DGKG: variants seen among roughly 807,000 people sequenced by gnomAD.
DGKG encodes DAG kinase gamma.
In DGKG, 78 loss-of-function variants were observed where a neutral mutation model predicts 105.3. The ratio of observed to expected loss-of-function variants is 0.74; its 90% confidence interval spans 0.62 to 0.89. The LOEUF is 0.89. Among genes scored for constraint, DGKG ranks in the 40% least tolerant of loss-of-function variants. The probability of loss-of-function intolerance (pLI) is 0.00; values close to 1 mark genes in which losing one functional copy is unlikely to be tolerated. For synonymous variants in DGKG, 346 were observed against 367.1 expected (o/e 0.94, Z 0.66); for missense variants, 958 against 1,020.1 (o/e 0.94, Z 0.83).
At chr3:186,283,347 A>G (rs996256444) in intron 7 of DGKG, among the ~76,000 whole-genome samples, 1 of 151,860 alleles carries the variant, frequency 6.6e-6, no homozygotes, top group African/African-American at 2.4e-5. Flanking sequence ...CTCCATTCAC[A>G]CTGGCCCGGA....
At chr3:186,225,694 A>T (rs972543206) in intron 20 of DGKG, among the ~76,000 whole-genome samples, 3 of 151,870 alleles carry the variant, frequency 2.0e-5, no homozygotes, top group Non-Finnish European at 4.4e-5. Flanking sequence ...ACCACTCCCT[A>T]AAGCCTCACA....
chr3:186,316,911 A>G (rs1355423965), intron 2 of DGKG, among the ~76,000 whole-genome samples: 1 of 152,250 alleles, frequency 6.6e-6, no homozygotes, highest in Non-Finnish European at 1.5e-5. Flanking sequence ...ATTGGTGGGA[A>G]TGACTTTTTC....
chr3:186,150,343 G>A (rs962349116), intron 24 of DGKG, among the ~76,000 whole-genome samples, 155 bp from the exon 25 acceptor site: 2 of 152,154 alleles, frequency 1.3e-5, no homozygotes, highest in South Asian at 4.1e-4. Context: ...TTGGCAACTT[G>A]ACCCTGACTG....
intron 22 of DGKG, among the ~76,000 whole-genome samples, chr3:186,178,659 G>T (rs741484): frequency 0.06 from 9,081 of 152,206 alleles, 738 homozygotes; most frequent in African/African-American, 0.19. Flanking sequence ...CTTGCAGAAG[G>T]GAGTGGGAGA....
intron 22 of DGKG, among the ~76,000 whole-genome samples, chr3:186,172,731 G>C (rs1318689581): frequency 1.3e-5 from 2 of 152,200 alleles, no homozygotes; most frequent in African/African-American, 4.8e-5. Flanking sequence ...TAGTCACAGA[G>C]GTAAAGAAAA....
At chr3:186,313,367 G>C in intron 2 of DGKG, 1 of 311,910 alleles carries the variant, frequency 3.2e-6, no homozygotes, top group Non-Finnish European at 4.7e-6. Flanking sequence ...GGGGTCAATA[G>C]CAATAAAACG....
chr3:186,221,733 G>A (rs569483552), intron 20 of DGKG, among the ~76,000 whole-genome samples: 20 of 152,332 alleles, frequency 1.3e-4, no homozygotes, highest in African/African-American at 4.3e-4. Flanking sequence ...GAAGGTGGCT[G>A]TCCTGCTGGA....
At chr3:186,347,430 CAG>C (rs1726397886) in intron 1 of DGKG, among the ~76,000 whole-genome samples, 1 of 111,002 alleles carries the variant, frequency 9.0e-6, no homozygotes, top group African/African-American at 3.7e-5. Flanking sequence ...GCCTGGGCGA[CAG>C]AGTGAGACTC....
intron 2 of DGKG, among the ~76,000 whole-genome samples, chr3:186,317,133 G>T (rs1309498495): frequency 6.6e-6 from 1 of 152,118 alleles, no homozygotes; most frequent in African/African-American, 2.4e-5. Flanking sequence ...TCATCCCTCC[G>T]CCTGCTCAGC....
In DGKG at chr3:186,265,312, A is replaced by G; in HGVS notation, c.1210-6T>C. 1 of 1,614,172 alleles carries G rather than the reference A, an allele frequency of 6.2e-7. No individual in the cohort carries two copies. Among genetic ancestry groups the G allele is most frequent in the Non-Finnish European group, 8.5e-7 (1 of 1,179,960 alleles). Reference sequence around the variant, plus strand: ...GACTTCTCACCTGGCCTGTCCTGTGACAAGAAAGGAAAGACAAGCATCTTT... The same window carrying G: ...GACTTCTCACCTGGCCTGTCCTGTGGCAAGAAAGGAAAGACAAGCATCTTT... On this transcript the variant is annotated splice_region_variant and splice_polypyrimidine_tract_variant and intron_variant, in intron 13 of 24. Coordinates refer to ENST00000265022, the MANE Select transcript of DGKG (RefSeq NM_001346.3).
chr3:186,152,825 G>A (rs767313761), intron 24 of DGKG, among the ~76,000 whole-genome samples: 4 of 151,974 alleles, frequency 2.6e-5, no homozygotes, highest in Non-Finnish European at 5.9e-5. Flanking sequence ...CACCATGCCT[G>A]GCTAATTTTT....
At chr3:186,189,639 C>T (rs1383139364) in intron 21 of DGKG, among the ~76,000 whole-genome samples, 1 of 152,154 alleles carries the variant, frequency 6.6e-6, no homozygotes, top group Non-Finnish European at 1.5e-5. Flanking sequence ...CCCAAACTTC[C>T]AGAGACTTAT....
At chr3:186,314,508 A>T (rs908037189) in intron 2 of DGKG, among the ~76,000 whole-genome samples, 1 of 152,128 alleles carries the variant, frequency 6.6e-6, no homozygotes, top group Admixed American at 6.5e-5. Context: ...TAGTCCCAGC[A>T]CTTTGGGAGG....
At chr3:186,308,359 C>G (rs573890695) in intron 2 of DGKG, among the ~76,000 whole-genome samples, 227 of 152,230 alleles carry the variant, frequency 1.5e-3, no homozygotes, top group African/African-American at 5.3e-3. Flanking sequence ...TTTCTCTGAC[C>G]TTGGCTATCC....
intron 24 of DGKG, chr3:186,160,660 C>T: frequency 2.0e-6 from 2 of 985,426 alleles, no homozygotes; most frequent in Non-Finnish European, 2.4e-6. Flanking sequence ...TATCTGAATA[C>T]TCCACTAGAG....
At chr3:186,201,786 A>C (rs1477781522) in intron 21 of DGKG, among the ~76,000 whole-genome samples, 1 of 152,232 alleles carries the variant, frequency 6.6e-6, no homozygotes, top group Non-Finnish European at 1.5e-5. Flanking sequence ...ATAATCAACA[A>C]ACAACTATTG....
chr3:186,224,759 T>C (rs956454190), intron 20 of DGKG, among the ~76,000 whole-genome samples: 2 of 144,416 alleles, frequency 1.4e-5, no homozygotes, highest in Admixed American at 1.4e-4. Context: ...TGTGAATTTC[T>C]TTTTAACATC....
At chr3:186,316,501 C>A (rs1035917553) in intron 2 of DGKG, among the ~76,000 whole-genome samples, 1 of 152,134 alleles carries the variant, frequency 6.6e-6, no homozygotes, top group African/African-American at 2.4e-5. Flanking sequence ...CTTTAAATTT[C>A]ATCGTTTTAT....
At chr3:186,280,555 TAAG>T (rs1352200291) in intron 8 of DGKG, 112 bp downstream of exon 8, 7 of 754,502 alleles carry the variant, frequency 9.3e-6, no homozygotes, top group Admixed American at 5.0e-5. Context: ...AAGCTGCCTA[TAAG>T]AAGATGAGTC....
Sources: allele counts gnomAD v4.1 joint callset (sites outside exome capture counted in the v4.1 genomes callset), GRCh38; gene constraint gnomAD v4.1.1; transcripts MANE v1.5; gene names NCBI Gene and HGNC (gene_info 2026-07-23, HGNC 2026-07-21).